TRIO: variants seen among roughly 807,000 people sequenced by gnomAD.
TRIO encodes trio Rho guanine nucleotide exchange factor, also known as triple functional domain protein.
TRIO carries 58 observed loss-of-function variants against 351.9 expected under a neutral mutation model. That is an observed-to-expected ratio of 0.16 (90% CI 0.13 to 0.21). The LOEUF (loss-of-function observed/expected upper bound fraction) is 0.21, where lower values mean the gene tolerates loss of function less well. Among genes scored for constraint, TRIO ranks in the 10% least tolerant of loss-of-function variants. The pLI, the probability that TRIO is intolerant of heterozygous loss-of-function variation, is 1.00. For missense variants in TRIO, 3,201 were observed against 4,027.8 expected (o/e 0.79, Z 5.56); for synonymous variants, 1,758 against 1,595.7 (o/e 1.10, Z -2.42).
intron 36 of TRIO, 41 bp from the exon 37 acceptor site, chr5:14,465,504 G>C (rs1197155292): frequency 3.1e-6 from 5 of 1,599,292 alleles, no homozygotes; most frequent in African/African-American, 1.3e-5. Context: ...ACTAATGTGA[G>C]CCCTTGCCCC....
intron 7 of TRIO, among the ~76,000 whole-genome samples, chr5:14,298,132 T>TA (rs1737524672): frequency 6.6e-6 from 1 of 152,186 alleles, no homozygotes; most frequent in Admixed American, 6.5e-5. Context: ...ATTATAAACT[T>TA]AGCTACATGG....
chr5:14,183,920 A>T (rs951066356), intron 1 of TRIO: 8 of 696,386 alleles, frequency 1.1e-5, no homozygotes, highest in Admixed American at 6.0e-5. Context: ...ACCGTTTTTT[A>T]AAAAAGATTA....
intron 1 of TRIO, among the ~76,000 whole-genome samples, chr5:14,189,841 G>T (rs1790353594): frequency 6.6e-6 from 1 of 151,632 alleles, no homozygotes; most frequent in Non-Finnish European, 1.5e-5. Context: ...ACCTGTCTCA[G>T]CCTCCCCAGG....
intron 54 of TRIO, 33 bp from the exon 55 acceptor site, chr5:14,504,360 C>T (rs1051248369): frequency 6.2e-7 from 1 of 1,611,490 alleles, no homozygotes; most frequent in Non-Finnish European, 8.5e-7. Context: ...CCTCAGCAGC[C>T]TCTGCAAATG....
intron 53 of TRIO, among the ~76,000 whole-genome samples, chr5:14,501,089 ACAC>A (rs963666059): frequency 3.0e-4 from 46 of 151,930 alleles, no homozygotes; most frequent in African/African-American, 1.1e-3. Context: ...GAAAAAAAAA[ACAC>A]CAAGCCCTTT....
intron 18 of TRIO, among the ~76,000 whole-genome samples, chr5:14,373,480 G>A (rs571362598): frequency 6.6e-6 from 1 of 152,286 alleles, no homozygotes; most frequent in East Asian, 1.9e-4. Flanking sequence ...GACAGGAAAT[G>A]CACAAGATGT....
intron 1 of TRIO, among the ~76,000 whole-genome samples, chr5:14,255,707 C>G (rs926966245): frequency 6.6e-6 from 1 of 152,162 alleles, no homozygotes; most frequent in Admixed American, 6.5e-5. Context: ...TACACATAAC[C>G]TGAAGGTAAT....
intron 1 of TRIO, among the ~76,000 whole-genome samples, chr5:14,247,294 T>C (rs570929656): frequency 2.0e-5 from 3 of 152,372 alleles, no homozygotes; most frequent in African/African-American, 7.2e-5. Context: ...ATTGTTGTGA[T>C]GTGTGGATGT....
intron 36 of TRIO, 128 bp from the exon 37 acceptor site, chr5:14,465,417 C>T: frequency 4.8e-6 from 4 of 831,034 alleles, no homozygotes; most frequent in Non-Finnish European, 7.7e-6. Context: ...TAAACAAAGA[C>T]AAACTTGTGG....
intron 11 of TRIO, among the ~76,000 whole-genome samples, chr5:14,343,699 A>G (rs1742152331): frequency 6.6e-6 from 1 of 152,210 alleles, no homozygotes; most frequent in Admixed American, 6.5e-5. Flanking sequence ...TTTGGCTATT[A>G]CAGGGAAATA....
intron 34 of TRIO, among the ~76,000 whole-genome samples, chr5:14,432,378 G>A (rs563162561): frequency 6.6e-5 from 10 of 152,316 alleles, no homozygotes; most frequent in Non-Finnish European, 8.8e-5. Flanking sequence ...GCTGAAGCCC[G>A]TAGAGACAAA....
At chr5:14,177,399 TTG>T (rs1282843542) in intron 1 of TRIO, among the ~76,000 whole-genome samples, 2 of 152,170 alleles carry the variant, frequency 1.3e-5, no homozygotes, top group African/African-American at 4.8e-5. Context: ...CTTCTGGCAC[TTG>T]TGTGAATTTC....
At chr5:14,208,818 G>T (rs140012283) in intron 1 of TRIO, among the ~76,000 whole-genome samples, 2 of 152,168 alleles carry the variant, frequency 1.3e-5, no homozygotes, top group Admixed American at 1.3e-4. Flanking sequence ...TCTATTTTCT[G>T]TTCATAAGTG....
Position 14,369,437 on chromosome 5 carries a change from G to T in TRIO, c.3130G>T (p.Ala1044Ser). 1 of 1,614,180 alleles carries T rather than the reference G, an allele frequency of 6.2e-7. No homozygotes were observed. Among genetic ancestry groups the T allele is most frequent in the Non-Finnish European group, 8.5e-7 (1 of 1,180,030 alleles). The change falls in exon 18 of 57, where the codon GCG becomes TCG. Residue 1044 changes from alanine to serine, a missense_variant. Ala to Ser is a moderately conservative substitution (Grantham distance 99). Transcript: ENST00000344204. ...YKREEDWCGG[A>S]DKLGPNSETD... ...GAGAGAAGAAGACTGGTGTGGCGGGGCGGATAAGCTGGGCCCAAACTCTGA... is the reference window on the plus strand; with the variant it reads ...GAGAGAAGAAGACTGGTGTGGCGGGTCGGATAAGCTGGGCCCAAACTCTGA...
chr5:14,163,893 C>G (rs1788617448), intron 1 of TRIO, among the ~76,000 whole-genome samples: 1 of 152,166 alleles, frequency 6.6e-6, no homozygotes, highest in South Asian at 2.1e-4. Flanking sequence ...TTTTCATGAG[C>G]CTCATTTCTT....
chr5:14,497,492 G>C lies in TRIO; in HGVS notation c.8020-355G>C, dbSNP rs1278889399. Among the ~76,000 whole-genome samples the C allele has an allele frequency of 6.6e-6, 1 of 152,168 alleles. No individual in the cohort carries two copies. The highest frequency in any genetic ancestry group is 1.5e-5 in the Non-Finnish European group (1 of 68,024). ...CGGATTGCCTGACACCTGCGGTGGG[G>C]GTTGCCTGGAGAAAAAGAAGGTATC... On this transcript the variant is annotated intron_variant, in intron 50 of 56. Transcript: ENST00000344204. The surrounding 1 kb of genome is among the most constrained non-coding windows in gnomAD (Gnocchi z 4.4).
Position 14,419,766 on chromosome 5 carries a change from T to C in TRIO, c.4960-12T>C. On this transcript the variant is annotated splice_polypyrimidine_tract_variant and intron_variant, in intron 33 of 56. Coordinates refer to ENST00000344204, the MANE Select transcript of TRIO (RefSeq NM_007118.4). ...CTGGCTGACCTGTCCTCTCTTCCTC[T>C]GTTCCCCCCAGCTCTCTGGTGGCTG... The C allele has an allele frequency of 3.1e-6, 5 of 1,613,926 alleles. No individual in the cohort carries two copies. The South Asian group carries it at 5.5e-5, about 18-fold the overall frequency.
chr5:14,332,812 C>A (rs1451214774), intron 10 of TRIO, among the ~76,000 whole-genome samples: 2 of 152,204 alleles, frequency 1.3e-5, no homozygotes, highest in Non-Finnish European at 2.9e-5. Flanking sequence ...CCTACCTTCA[C>A]CGAGTCGCTG....
At chr5:14,490,138 G>T (rs1756375114) in intron 48 of TRIO, among the ~76,000 whole-genome samples, 1 of 147,840 alleles carries the variant, frequency 6.8e-6, no homozygotes, top group Admixed American at 6.7e-5. Context: ...TTAAAATTAG[G>T]TGAGCTGGCA....
Sources: gnomAD v4.1 joint callset for allele counts (sites outside exome capture counted in the v4.1 genomes callset) on GRCh38, gnomAD v4.1.1 for gene constraint, Gnocchi (gnomAD v3.1) non-coding constraint, MANE v1.5 for transcripts, NCBI Gene and HGNC (gene_info 2026-07-23, HGNC 2026-07-21) for gene names.